Variants in ACSS2 observed in about 807,000 individuals in gnomAD.
ACSS2 encodes acetyl-coenzyme A synthetase, cytoplasmic.
Under a neutral mutation model 90.6 loss-of-function variants are expected in ACSS2, and 58 were observed. That is an observed-to-expected ratio of 0.64 (90% CI 0.52 to 0.80). The LOEUF is 0.80. Ranked by LOEUF, ACSS2 falls within the 30% of genes least tolerant of loss-of-function variation. The pLI is 0.00. For synonymous variants in ACSS2, 300 were observed against 330.9 expected (o/e 0.91, Z 1.01); for missense variants, 759 against 912.0 (o/e 0.83, Z 2.16).
chr20:34,911,221 C>A (rs2080949329), intron 2 of ACSS2, among the ~76,000 whole-genome samples: 1 of 128,026 alleles, frequency 7.8e-6, no homozygotes, highest in African/African-American at 3.1e-5. Context: ...GAGTTTCATT[C>A]TTGTTGCCCA....
intron 2 of ACSS2, among the ~76,000 whole-genome samples, chr20:34,906,487 A>G (rs1306030523): frequency 6.6e-6 from 1 of 152,126 alleles, no homozygotes; most frequent in African/African-American, 2.4e-5. Context: ...TAAGGTGCTT[A>G]TATCAATAAT....
At position 34,919,590 on chromosome 20, in the gene ACSS2, T is replaced by C. The variant is rs1284082116; in HGVS notation, c.972+18T>C. 2 of 1,541,838 alleles carry C rather than the reference T, an allele frequency of 1.3e-6. No individual in the cohort carries two copies. The highest frequency in any genetic ancestry group is 1.8e-6 in the Non-Finnish European group (2 of 1,137,766). On this transcript the variant is annotated intron_variant, in intron 8 of 17. Transcript: ENST00000360596. ...AACCCAAGGCAAGTGTGTGTGTGTG[T>C]GTGTGTGTGTGTGTGTGTGTGTGTG...
chr20:34,912,845 A>G (rs1193056919), intron 2 of ACSS2, among the ~76,000 whole-genome samples: 1 of 152,202 alleles, frequency 6.6e-6, no homozygotes, highest in Non-Finnish European at 1.5e-5. Context: ...ACTCCATTTC[A>G]TCAAGGATCA....
chr20:34,921,812 T>C lies in ACSS2; in HGVS notation c.1494T>C (p.Pro498=), dbSNP rs1472185703. The change falls in exon 13 of 18, where the codon CCT becomes CCC. Residue 498 remains proline, a synonymous_variant. Transcript: ENST00000360596. The part of the protein sequence containing the change: ...SATFPFFGVA[P]AILNESGEEL... Reference sequence around the variant, plus strand: ...CTTTCCCATTCTTTGGTGTAGCTCCTGCAATCCTGAATGAGTCCGGGGAAG... The same window carrying C: ...CTTTCCCATTCTTTGGTGTAGCTCCCGCAATCCTGAATGAGTCCGGGGAAG... 3.1e-6 allele frequency: 5 copies of C among 1,614,096 alleles called. No homozygotes were observed. The South Asian group carries it at 5.5e-5, about 18-fold the overall frequency.
intron 2 of ACSS2, among the ~76,000 whole-genome samples, chr20:34,905,586 T>C (rs571533214): frequency 1.3e-5 from 2 of 152,312 alleles, no homozygotes; most frequent in African/African-American, 4.8e-5. Context: ...CAAAAATAGA[T>C]TCCAGGCTGC....
At chr20:34,909,029 T>G (rs1198096902) in intron 2 of ACSS2, 1 of 394,930 alleles carries the variant, frequency 2.5e-6, no homozygotes, top group Non-Finnish European at 5.0e-6. Context: ...AGTGGAATAT[T>G]TTGCAGCTGA....
chr20:34,918,522 G>A (rs1286300085), intron 7 of ACSS2, among the ~76,000 whole-genome samples: 3 of 152,200 alleles, frequency 2.0e-5, no homozygotes, highest in African/African-American at 7.2e-5. Context: ...ACTGGGAGAA[G>A]TCCACCTTGG....
chr20:34,876,798 C>T lies in ACSS2; in HGVS notation c.153C>T (p.His51=), dbSNP rs2079923710. The T allele has an allele frequency of 3.0e-6, 4 of 1,325,012 alleles. No homozygotes were observed. In the South Asian group the frequency reaches 6.2e-5, roughly 20 times the overall value. The allele number at this position is 1,325,012 out of a possible 1,614,324, so 82.1% of individuals were successfully genotyped here. The change falls in exon 1 of 18, where the codon CAC becomes CAT. Residue 51 remains histidine, a synonymous_variant. Coordinates refer to ENST00000360596, the MANE Select transcript of ACSS2 (RefSeq NM_018677.4). ...VPSLQRYREL[H]RRSVEEPREF... ...CGCTGCAGCGCTACCGCGAGCTGCA[C>T]CGGCGCTCCGTGGAGGAGCCGCGGG...
chr20:34,914,273 G>A, intron 6 of ACSS2, 50 bp from the exon 7 acceptor site: 1 of 1,604,524 alleles, frequency 6.2e-7, no homozygotes, highest in Non-Finnish European at 8.5e-7. Context: ...GTCTTGCCAA[G>A]TTCCCTTTGA....
Position 34,921,389 on chromosome 20 carries a change from C to T in ACSS2, c.1337C>T (p.Ala446Val). 1 of 1,614,218 alleles carries T rather than the reference C, an allele frequency of 6.2e-7. No individual in the cohort carries two copies. The highest frequency in any genetic ancestry group is 8.5e-7 in the Non-Finnish European group (1 of 1,180,032). ...GTVGEPINPEAWLWYHRVVGA... is the reference protein window; with the variant it reads ...GTVGEPINPEVWLWYHRVVGA... Reference sequence around the variant, plus strand: ...GTGGGTGAACCCATCAACCCTGAGGCCTGGCTATGGTACCACCGGGTGGTA... The same window carrying T: ...GTGGGTGAACCCATCAACCCTGAGGTCTGGCTATGGTACCACCGGGTGGTA... The change falls in exon 11 of 18, where the codon GCC becomes GTC. Residue 446 changes from alanine to valine, a missense_variant. By Grantham distance (64) the Ala-to-Val change is moderately conservative (BLOSUM62 0). Transcript: ENST00000360596.
chr20:34,895,936 T>C (rs2080449372), intron 2 of ACSS2, among the ~76,000 whole-genome samples: 1 of 152,248 alleles, frequency 6.6e-6, no homozygotes, highest in African/African-American at 2.4e-5. Context: ...ATGTGTCTAT[T>C]ATACTTGAGA....
At chr20:34,908,542 G>T (rs915705867) in intron 2 of ACSS2, among the ~76,000 whole-genome samples, 1 of 152,070 alleles carries the variant, frequency 6.6e-6, no homozygotes, top group South Asian at 2.1e-4. Flanking sequence ...TAAAGTAGTT[G>T]TTCCCTAATA....
At chr20:34,897,036 G>GA (rs36102262) in intron 2 of ACSS2, among the ~76,000 whole-genome samples, 79,834 of 146,890 alleles carry the variant, frequency 0.54, 22,041 homozygotes, top group South Asian at 0.72. Context: ...TCAAAAAAAG[G>GA]AAAAAAAAAA....
At chr20:34,900,379 T>C (rs2147031750) in intron 2 of ACSS2, among the ~76,000 whole-genome samples, 1 of 151,590 alleles carries the variant, frequency 6.6e-6, no homozygotes, top group African/African-American at 2.4e-5. Flanking sequence ...TTGGCCATGT[T>C]GGCCAGGCTG....
At chr20:34,918,739 G>A (rs1186531979) in intron 7 of ACSS2, among the ~76,000 whole-genome samples, 1 of 152,138 alleles carries the variant, frequency 6.6e-6, no homozygotes, top group Admixed American at 6.5e-5. Context: ...CTACTAACAG[G>A]GTCAGGTGCC....
Position 34,919,576 on chromosome 20 carries a change from AGTGTGTGTGTGTGTGTGTGTGTGTGTGT to A in ACSS2, c.972+21_972+48del. 2 of 1,474,002 alleles carry A rather than the reference AGTGTGTGTGTGTGTGTGTGTGTGTGTGT, an allele frequency of 1.4e-6. No individual in the cohort carries two copies. The highest frequency in any genetic ancestry group is 1.8e-6 in the Non-Finnish European group (2 of 1,093,978). The allele number at this position is 1,474,002 out of a possible 1,614,324, so 91.3% of individuals were successfully genotyped here. ...TGGCTCCACAGGCAAACCCAAGGCA[AGTGTGTGTGTGTGTGTGTGTGTGTGTGT>A]GTGTGTGTGTGTGTGTATTATGTAG... On this transcript the variant is annotated splice_donor_5th_base_variant and intron_variant, in intron 8 of 17. Coordinates refer to ENST00000360596, the MANE Select transcript of ACSS2 (RefSeq NM_018677.4).
rs1013862848 is a variant in ACSS2, at chr20:34,876,612, G to A, written c.-34G>A. 7.8e-7 allele frequency: 1 copy of A among 1,288,196 alleles called. No individual in the cohort carries two copies. The highest frequency in any genetic ancestry group is 4.2e-5 in the Admixed American group (1 of 23,894). 79.8% of individuals were successfully genotyped at this position (1,288,196 alleles called of 1,614,324 possible). On this transcript the variant is annotated 5_prime_UTR_variant, in exon 1 of 18. Coordinates refer to ENST00000360596, the MANE Select transcript of ACSS2 (RefSeq NM_018677.4). ...CTCAGTCCCGGCACCCGCCGCGACC[G>A]CAAAGGCGGCCGCGGTTCTAGGAAC...
At chr20:34,902,829 G>A (rs1054363364) in intron 2 of ACSS2, among the ~76,000 whole-genome samples, 2 of 151,274 alleles carry the variant, frequency 1.3e-5, no homozygotes, top group African/African-American at 2.4e-5. Flanking sequence ...GGGCTCAAGT[G>A]ATCCTCCCAC....
At position 34,921,467 on chromosome 20, in the gene ACSS2, G is replaced by A. The variant is rs768587479; in HGVS notation, c.1410+5G>A. ...ACCTTCTGGCAAACAGAGACAGTGA[G>A]TGAAGGGTACAGAAGGCTGGGGCCC... On this transcript the variant is annotated splice_donor_5th_base_variant and intron_variant, in intron 11 of 17. Coordinates refer to ENST00000360596, the MANE Select transcript of ACSS2 (RefSeq NM_018677.4). 43 of 1,614,132 alleles carry A rather than the reference G, an allele frequency of 2.7e-5. 1 individual carries two copies. Among genetic ancestry groups the A allele is most frequent in the Non-Finnish European group, 8.5e-7 (1 of 1,180,044 alleles).
Sources: gnomAD v4.1 joint callset for allele counts (sites outside exome capture counted in the v4.1 genomes callset) on GRCh38, gnomAD v4.1.1 for gene constraint, MANE v1.5 for transcripts, NCBI Gene and HGNC (gene_info 2026-07-23, HGNC 2026-07-21) for gene names.